The following TADA2A variants were observed in gnomAD, a reference collection of about 807,000 sequenced individuals.
TADA2A encodes the protein transcriptional adapter 2-alpha.
In TADA2A, 38 loss-of-function variants were observed where a neutral mutation model predicts 67.4. That is an observed-to-expected ratio of 0.56 (90% CI 0.44 to 0.74). The LOEUF (loss-of-function observed/expected upper bound fraction) is 0.74. Ranked by LOEUF, TADA2A falls within the 30% of genes least tolerant of loss-of-function variation. The probability of loss-of-function intolerance (pLI) is 0.00; values close to 1 mark genes in which losing one functional copy is unlikely to be tolerated. For synonymous variants in TADA2A, 192 were observed against 181.6 expected (o/e 1.06, Z -0.46); for missense variants, 454 against 547.0 (o/e 0.83, Z 1.70).
intron 11 of TADA2A, among the ~76,000 whole-genome samples, chr17:37,465,843 G>A (rs952831569): frequency 3.9e-5 from 6 of 152,196 alleles, no homozygotes; most frequent in South Asian, 2.1e-4. Context: ...ATGAACTCCC[G>A]TGTATCCATC....
At chr17:37,422,752 T>G (rs2052284756) in intron 2 of TADA2A, among the ~76,000 whole-genome samples, 1 of 152,156 alleles carries the variant, frequency 6.6e-6, no homozygotes, top group Non-Finnish European at 1.5e-5. Context: ...TGCACCCACC[T>G]TGGCCTCCCA....
intron 4 of TADA2A, among the ~76,000 whole-genome samples, 172 bp downstream of exon 4, chr17:37,427,181 A>G (rs936086211): frequency 6.6e-6 from 1 of 152,212 alleles, no homozygotes; most frequent in Non-Finnish European, 1.5e-5. Context: ...ATTGTTATCC[A>G]ATAAGTTTTT....
intron 9 of TADA2A, among the ~76,000 whole-genome samples, chr17:37,460,662 CTT>C (rs1176802326): frequency 6.6e-6 from 1 of 152,216 alleles, no homozygotes; most frequent in East Asian, 1.9e-4. Flanking sequence ...TTCTTCCTCT[CTT>C]TGCAACATAT....
At chr17:37,475,916 C>G (rs1262641201) in intron 15 of TADA2A, among the ~76,000 whole-genome samples, 1 of 152,188 alleles carries the variant, frequency 6.6e-6, no homozygotes, top group Non-Finnish European at 1.5e-5. Flanking sequence ...GAAGTCTGTT[C>G]CTCTTTTGGA....
intron 10 of TADA2A, among the ~76,000 whole-genome samples, chr17:37,464,168 G>C (rs1352940354): frequency 6.6e-6 from 1 of 152,136 alleles, no homozygotes; most frequent in Non-Finnish European, 1.5e-5. Flanking sequence ...TTAGTTGTTT[G>C]GTCAGTAGTG....
At chr17:37,412,546 G>A (rs1434152060) in intron 2 of TADA2A, among the ~76,000 whole-genome samples, 2 of 152,136 alleles carry the variant, frequency 1.3e-5, no homozygotes, top group South Asian at 2.1e-4. Flanking sequence ...AGCACTTTGG[G>A]AGGTCGAGGT....
chr17:37,449,083 C>T (rs138107966), intron 8 of TADA2A, among the ~76,000 whole-genome samples: 2,705 of 151,920 alleles, frequency 0.018, 77 homozygotes, highest in African/African-American at 0.062. Context: ...TGCAGTGGCG[C>T]GATCTTGGCT....
In TADA2A at chr17:37,467,489, C is replaced by T. The variant is rs759167526; in HGVS notation, c.859C>T (p.Gln287Ter). Residue 287 changes from glutamine (Q) to a stop codon, truncating the protein, a stop_gained, in exon 12 of 16, where the codon CAA (glutamine) becomes TAA (stop). Transcript: ENST00000615182. LOFTEE classifies it high-confidence loss of function. Reference sequence around the variant, plus strand: ...ACTCCGAAGGGAAATCAAGAGGCTCCAAGAATACAGGACAGCAGGCATTAC... The same window carrying T: ...ACTCCGAAGGGAAATCAAGAGGCTCTAAGAATACAGGACAGCAGGCATTAC... Reference protein sequence around the residue: ...FELRREIKRLQEYRTAGITNF... With the variant: ...FELRREIKRL 9 of 1,613,832 alleles carry T rather than the reference C, an allele frequency of 5.6e-6. No individual in the cohort carries two copies. In the Admixed American group the frequency reaches 1.2e-4, roughly 21 times the overall value.
At chr17:37,458,503 T>G in intron 8 of TADA2A, 21 bp from the exon 9 acceptor site, 1 of 1,573,884 alleles carries the variant, frequency 6.4e-7, no homozygotes, top group Non-Finnish European at 8.7e-7. Flanking sequence ...ATATATAGTA[T>G]ATGTATGAAT....
chr17:37,471,024 T>A, intron 13 of TADA2A, 70 bp from the exon 14 acceptor site: 1 of 1,526,034 alleles, frequency 6.6e-7, no homozygotes, highest in Non-Finnish European at 9.1e-7. Flanking sequence ...TGGCACCCAG[T>A]CTCACCGGGG....
intron 4 of TADA2A, among the ~76,000 whole-genome samples, chr17:37,427,818 T>C (rs543081868): frequency 6.2e-4 from 94 of 152,098 alleles, no homozygotes; most frequent in Middle Eastern, 3.4e-3. Context: ...CCTGTCTCTA[T>C]TAAGAATACA....
intron 4 of TADA2A, among the ~76,000 whole-genome samples, chr17:37,433,962 A>G (rs890320641): frequency 6.6e-6 from 1 of 152,108 alleles, no homozygotes; most frequent in East Asian, 1.9e-4. Flanking sequence ...TCAAAAAAAA[A>G]AAAAGTGGGG....
chr17:37,432,250 C>T (rs1205243481), intron 4 of TADA2A, among the ~76,000 whole-genome samples: 11 of 152,194 alleles, frequency 7.2e-5, no homozygotes, highest in African/African-American at 2.4e-4. Flanking sequence ...CTGCAACCTC[C>T]GCCTCCCGGG....
chr17:37,474,259 A>G (rs1463532942), intron 14 of TADA2A, among the ~76,000 whole-genome samples: 24 of 152,176 alleles, frequency 1.6e-4, no homozygotes, highest in Non-Finnish European at 1.5e-5. Context: ...ATAATAAATA[A>G]GAGATAACTA....
chr17:37,429,560 A>T (rs555164160), intron 4 of TADA2A, among the ~76,000 whole-genome samples: 1 of 152,068 alleles, frequency 6.6e-6, no homozygotes, highest in Non-Finnish European at 1.5e-5. Flanking sequence ...GGAATTATAG[A>T]CATGAGCCAC....
intron 4 of TADA2A, among the ~76,000 whole-genome samples, chr17:37,430,237 C>A (rs1377246737): frequency 6.6e-6 from 1 of 152,168 alleles, no homozygotes; most frequent in Non-Finnish European, 1.5e-5. Context: ...TATTCAACAC[C>A]CATACAATCA....
chr17:37,422,096 A>C (rs2052254557), intron 2 of TADA2A, among the ~76,000 whole-genome samples: 1 of 143,310 alleles, frequency 7.0e-6, no homozygotes, highest in Non-Finnish European at 1.5e-5. Flanking sequence ...CCCAGGCTGG[A>C]GTGCAGCGGC....
chr17:37,473,122 G>T (rs2053825138), intron 14 of TADA2A, among the ~76,000 whole-genome samples: 1 of 133,124 alleles, frequency 7.5e-6, no homozygotes, highest in South Asian at 2.6e-4. Flanking sequence ...ACCAAACCTG[G>T]AGAAATTTTT....
At chr17:37,407,159 G>C (rs1460191451) in intron 1 of TADA2A, 1 of 150,520 alleles carries the variant, frequency 6.6e-6, no homozygotes, top group African/African-American at 2.4e-5. Context: ...GGGCGGTGTG[G>C]GGCCGGGCCT....
Sources: allele counts gnomAD v4.1 joint callset (sites outside exome capture counted in the v4.1 genomes callset), GRCh38; gene constraint gnomAD v4.1.1; transcripts MANE v1.5; gene names NCBI Gene and HGNC (gene_info 2026-07-23, HGNC 2026-07-21).